Variants in CPLANE1 observed in about 807,000 individuals in gnomAD.
CPLANE1 encodes ciliogenesis and planar polarity effector complex subunit 1, also known as ciliogenesis and planar polarity effector 1.
CPLANE1 carries 263 observed loss-of-function variants against 362.5 expected under a neutral mutation model. That is an observed-to-expected ratio of 0.73 (90% CI 0.66 to 0.80). CPLANE1 has a LOEUF of 0.80. CPLANE1 is among the 30% of genes least tolerant of loss of function. The pLI is 0.00. For synonymous variants in CPLANE1, 1,212 were observed against 1,302.6 expected, an observed-to-expected ratio of 0.93 and a Z score of 1.50; for missense variants, 3,461 against 3,793.4, an observed-to-expected ratio of 0.91 and a Z score of 2.30.
chr5:37,196,077 G>T, intron 20 of CPLANE1, 81 bp from the exon 21 acceptor site: 1 of 1,175,782 alleles, frequency 8.5e-7, no homozygotes, highest in Non-Finnish European at 1.2e-6. Context: ...GAATCAGGCA[G>T]GTAAGATAAG....
At chr5:37,098,676 T>G in the CPLANE1 span, among the ~76,000 whole-genome samples, 6 of 150,474 alleles carry the variant, frequency 4.0e-5, no homozygotes, top group African/African-American at 1.5e-4. Flanking sequence ...CAAAATAATA[T>G]CAAGTAACTT....
At chr5:37,142,813 G>C (rs1485032544) in intron 43 of CPLANE1, among the ~76,000 whole-genome samples, 1 of 152,108 alleles carries the variant, frequency 6.6e-6, no homozygotes, top group East Asian at 1.9e-4. Flanking sequence ...AAAAGAAAAA[G>C]GAACTCATAG....
At chr5:37,140,686 C>A (rs538603122) in intron 44 of CPLANE1, 5 of 985,210 alleles carry the variant, frequency 5.1e-6, no homozygotes, top group Middle Eastern at 5.2e-4. Flanking sequence ...GTGAGATTAG[C>A]GAAGATGGTG....
intron 33 of CPLANE1, 32 bp from the exon 34 acceptor site, chr5:37,169,593 A>G: frequency 6.6e-7 from 1 of 1,510,972 alleles, no homozygotes; most frequent in Non-Finnish European, 8.9e-7. Context: ...ATGTAAGTTT[A>G]GAATATATTA....
At chr5:37,132,510 A>G (rs746413305) in intron 46 of CPLANE1, among the ~76,000 whole-genome samples, 2 of 151,750 alleles carry the variant, frequency 1.3e-5, no homozygotes, top group Non-Finnish European at 2.9e-5. Flanking sequence ...ACGCCCGGCT[A>G]ATTTTTTTGT....
chr5:37,184,675 T>G (rs1039379169), intron 25 of CPLANE1, 113 bp downstream of exon 25: 2 of 805,616 alleles, frequency 2.5e-6, no homozygotes, highest in East Asian at 5.2e-5. Flanking sequence ...TCATTCATAT[T>G]ATTAATAGCA....
chr5:37,154,060 A>C (rs1046557602), intron 41 of CPLANE1, 67 bp from the exon 42 acceptor site: 17 of 1,379,006 alleles, frequency 1.2e-5, no homozygotes, highest in Non-Finnish European at 1.7e-5. Flanking sequence ...TGATGATCTC[A>C]TTTTTTGATG....
At chr5:37,114,487 G>A (rs190503587) in intron 51 of CPLANE1, among the ~76,000 whole-genome samples, 3 of 152,272 alleles carry the variant, frequency 2.0e-5, no homozygotes, top group African/African-American at 4.8e-5. Context: ...AGAGTAAGTG[G>A]TTAACTTGAT....
intron 21 of CPLANE1, among the ~76,000 whole-genome samples, chr5:37,195,462 G>A (rs1787088862): frequency 6.6e-6 from 1 of 151,956 alleles, no homozygotes; most frequent in Non-Finnish European, 1.5e-5. Flanking sequence ...TTAGCTGGGT[G>A]TGGTGGTGTG....
At chr5:37,175,027 G>T (rs1780777671) in intron 31 of CPLANE1, among the ~76,000 whole-genome samples, 1 of 152,182 alleles carries the variant, frequency 6.6e-6, no homozygotes, top group Admixed American at 6.5e-5. Context: ...AGCCAAAGAA[G>T]GTTTAGGAGG....
In CPLANE1 at chr5:37,183,044, T is replaced by C. The variant is rs1783101010; in HGVS notation, c.5137A>G (p.Lys1713Glu). The change falls in exon 26 of 53, where the codon AAA (lysine) becomes GAA (glutamate). Residue 1713 changes from lysine to glutamate, a missense_variant. Lys to Glu is a moderately conservative substitution (Grantham distance 56, BLOSUM62 1). Coordinates refer to ENST00000651892, the MANE Select transcript of CPLANE1 (RefSeq NM_001384732.1). ...GCTTTGAAAATACATCTTCTAGTTT[T>C]AATGGACTTGGGAGTCCAAAAAATG... ...NHIFWTPKSI[K>E]TRRCIFKAIQ... is the part of the protein sequence containing the mutation. 6.2e-7 allele frequency: 1 copy of C among 1,613,530 alleles called. No homozygotes were observed. Among genetic ancestry groups the C allele is most frequent in the Non-Finnish European group, 8.5e-7 (1 of 1,179,918 alleles).
intron 38 of CPLANE1, among the ~76,000 whole-genome samples, chr5:37,160,086 G>A (rs961148971): frequency 6.6e-6 from 1 of 152,060 alleles, no homozygotes; most frequent in Non-Finnish European, 1.5e-5. Context: ...ACTTAACAAT[G>A]TAATTTTAAA....
chr5:37,085,466 T>A, the CPLANE1 span: 3 of 835,470 alleles, frequency 3.6e-6, no homozygotes, highest in East Asian at 7.2e-5. Context: ...GAATCCCTCA[T>A]CTGGTGACTC....
intron 16 of CPLANE1, among the ~76,000 whole-genome samples, chr5:37,212,541 A>G (rs565452778): frequency 1.5e-4 from 23 of 152,260 alleles, no homozygotes; most frequent in African/African-American, 4.6e-4. Flanking sequence ...CGTATTATCA[A>G]TTTCATGTGG....
At position 37,183,177 on chromosome 5, in the gene CPLANE1, G is replaced by T; in HGVS notation, c.5004C>A (p.Val1668=). 1 of 1,611,422 alleles carries T rather than the reference G, an allele frequency of 6.2e-7. No individual in the cohort carries two copies. The highest frequency in any genetic ancestry group is 1.1e-5 in the South Asian group (1 of 90,720). ...KPFLQYPSNE[V]NKNEGMSGLF... is the part of the protein sequence containing the mutation. ...ATCCACTCATTCCTTCATTCTTATT[G>T]ACTTCATTCGAAGGATATTGTAAAA... is the stretch of plus-strand genomic sequence containing the variant. Residue 1668 remains valine, a synonymous_variant, in exon 26 of 53, where the codon GTC becomes GTA. Coordinates refer to ENST00000651892, the MANE Select transcript of CPLANE1 (RefSeq NM_001384732.1).
At chr5:37,094,059 C>T in the CPLANE1 span, among the ~76,000 whole-genome samples, 2 of 152,100 alleles carry the variant, frequency 1.3e-5, no homozygotes, top group Non-Finnish European at 2.9e-5. Flanking sequence ...GGTTGATTAC[C>T]CTCTAATGGT....
In CPLANE1 at chr5:37,184,916, A is replaced by G. The variant is rs754969926; in HGVS notation, c.4353T>C (p.Tyr1451=). Residue 1451 remains tyrosine (Y), a synonymous_variant, in exon 25 of 53, where the codon TAT becomes TAC. Transcript: ENST00000651892. ...TTCTGCTCAAACTAGTCCCCAGGGAATATCTGTCAACACCTGGAGCCTCAT... is the reference window on the plus strand; with the variant it reads ...TTCTGCTCAAACTAGTCCCCAGGGAGTATCTGTCAACACCTGGAGCCTCAT... ...KPDEAPGVDR[Y]SLGTSLSRST... The G allele has an allele frequency of 6.2e-6, 10 of 1,614,048 alleles. No individual in the cohort carries two copies. In the Admixed American group the frequency reaches 1.5e-4, roughly 24 times the overall value.
chr5:37,195,138 G>C (rs1261131382), intron 21 of CPLANE1, among the ~76,000 whole-genome samples: 3 of 145,326 alleles, frequency 2.1e-5, no homozygotes, highest in Non-Finnish European at 4.5e-5. Flanking sequence ...CTGGGAGACA[G>C]AGCAAGACTC....
At position 37,213,548 on chromosome 5, in the gene CPLANE1, T is replaced by A. The variant is rs970457545; in HGVS notation, c.2920+11A>T. Reference sequence around the variant, plus strand: ...AAAAAAAGTTTAAAAAGGATTTGTTTACTACATTACCTGTTTTAATATGAA... The same window carrying A: ...AAAAAAAGTTTAAAAAGGATTTGTTAACTACATTACCTGTTTTAATATGAA... On this transcript the variant is annotated intron_variant, in intron 16 of 52. Coordinates refer to ENST00000651892, the MANE Select transcript of CPLANE1 (RefSeq NM_001384732.1). The A allele has an allele frequency of 1.3e-5, 20 of 1,509,900 alleles. No individual in the cohort carries two copies. In the Admixed American group the frequency reaches 3.3e-4, roughly 25 times the overall value. 93.5% of individuals were successfully genotyped at this position (1,509,900 alleles called of 1,614,324 possible). A position where few individuals can be genotyped will look rare whatever the true frequency, so the allele number is the denominator to read the frequency against.
Sources: gnomAD v4.1 joint callset for allele counts (sites outside exome capture counted in the v4.1 genomes callset) on GRCh38, gnomAD v4.1.1 for gene constraint, MANE v1.5 for transcripts, NCBI Gene and HGNC (gene_info 2026-07-23, HGNC 2026-07-21) for gene names.